Variants in SCN3A observed in about 807,000 individuals in gnomAD.
SCN3A encodes sodium voltage-gated channel alpha subunit 3.
A neutral mutation model predicts 187.6 loss-of-function variants in SCN3A; 60 were observed. That is an observed-to-expected ratio of 0.32 (90% CI 0.26 to 0.40). The LOEUF (loss-of-function observed/expected upper bound fraction) is 0.40. Ranked by LOEUF, SCN3A falls within the 10% of genes least tolerant of loss-of-function variation. The probability of loss-of-function intolerance (pLI) is 1.00; values close to 1 mark genes in which losing one functional copy is unlikely to be tolerated. For missense variants in SCN3A, 1,601 were observed against 2,428.2 expected (o/e 0.66, Z 7.16); for synonymous variants, 788 against 829.2 (o/e 0.95, Z 0.85).
At chr2:165,128,264 G>A (rs1687114539) in intron 17 of SCN3A, among the ~76,000 whole-genome samples, 163 bp from the exon 18 acceptor site, 1 of 151,990 alleles carries the variant, frequency 6.6e-6, no homozygotes, top group African/African-American at 2.4e-5. Flanking sequence ...ACTCTTTAAA[G>A]GACCTAATAT....
chr2:165,153,678 A>C (rs910692784), intron 11 of SCN3A, among the ~76,000 whole-genome samples: 1 of 152,146 alleles, frequency 6.6e-6, no homozygotes, highest in African/African-American at 2.4e-5. Flanking sequence ...CAGAAATGAG[A>C]TACTTATTAG....
intron 9 of SCN3A, among the ~76,000 whole-genome samples, chr2:165,161,137 C>CTTTTTTTTT (rs61608647): frequency 0.02 from 1,833 of 93,510 alleles, 1 homozygote; most frequent in Middle Eastern, 0.028. Context: ...TTCTTTCTTT[C>CTTTTTTTTT]TTTTTTTTTT....
Position 165,139,193 on chromosome 2 carries a change from CT to C in SCN3A, c.2152+282del, listed in dbSNP as rs568603752. 4.6e-5 allele frequency among the ~76,000 whole-genome samples: 7 copies of C among 152,248 alleles called. No individual in the cohort carries two copies. In the East Asian group the frequency reaches 1.4e-3, roughly 29 times the overall value. On this transcript the variant is annotated intron_variant, in intron 14 of 27. Transcript: ENST00000283254. Reference sequence around the variant, plus strand: ...ACTTAGAAAAGGGGAAGAGTTTACTCTATTTGCATATGAGTAACATAACATA... The same window carrying C: ...ACTTAGAAAAGGGGAAGAGTTTACTCATTTGCATATGAGTAACATAACATA...
intron 11 of SCN3A, among the ~76,000 whole-genome samples, chr2:165,147,764 T>C (rs977274979): frequency 6.6e-6 from 1 of 152,212 alleles, no homozygotes; most frequent in African/African-American, 2.4e-5. Flanking sequence ...TTTCTTTCTA[T>C]ATTGCAGCAC....
In SCN3A at chr2:165,091,221, C is replaced by G. The variant is rs1685086280; in HGVS notation, c.4932G>C (p.Leu1644=). The G allele has an allele frequency of 6.2e-7, 1 of 1,614,130 alleles. No homozygotes were observed. The highest frequency in any genetic ancestry group is 1.1e-5 in the South Asian group (1 of 91,080). ...LIKGAKGIRT[L]LFALMMSLPA... ...GAAGGGACATCATCAAAGCAAAGAG[C>G]AGCGTGCGGATCCCCTTTGCTCCTT... Residue 1644 remains leucine (L), a synonymous_variant, in exon 28 of 28, where the codon CTG becomes CTC. Coordinates refer to ENST00000283254, the MANE Select transcript of SCN3A (RefSeq NM_006922.4).
chr2:165,160,466 T>C (rs1689293378), intron 9 of SCN3A, among the ~76,000 whole-genome samples: 1 of 152,166 alleles, frequency 6.6e-6, no homozygotes, highest in African/African-American at 2.4e-5. Flanking sequence ...TAAGCCATAA[T>C]AGGAATTCAT....
intron 1 of SCN3A, among the ~76,000 whole-genome samples, chr2:165,201,227 A>T (rs1013348991): frequency 1.3e-5 from 2 of 151,942 alleles, no homozygotes; most frequent in Admixed American, 6.6e-5. Context: ...AGTTCTATAA[A>T]CTCTCCAGGA....
chr2:165,153,823 T>C (rs961247901), intron 11 of SCN3A, among the ~76,000 whole-genome samples: 4 of 151,992 alleles, frequency 2.6e-5, no homozygotes, highest in African/African-American at 9.7e-5. Context: ...GATTTTTTTT[T>C]CTGTCTTTTA....
chr2:165,126,538 CTTCT>C (rs1687003347), intron 18 of SCN3A, among the ~76,000 whole-genome samples: 1 of 127,484 alleles, frequency 7.8e-6, no homozygotes, highest in Admixed American at 8.2e-5. Flanking sequence ...TCTTTATTTC[CTTCT>C]TTCTTTCTCT....
intron 27 of SCN3A, chr2:165,091,936 A>T (rs949451105): frequency 7.4e-6 from 3 of 406,406 alleles, no homozygotes; most frequent in African/African-American, 6.1e-5. Context: ...ACTTTATTGC[A>T]TTACAATGAT....
intron 14 of SCN3A, among the ~76,000 whole-genome samples, chr2:165,138,524 G>A (rs980039093): frequency 1.3e-5 from 2 of 152,094 alleles, no homozygotes; most frequent in Non-Finnish European, 2.9e-5. Flanking sequence ...CCTTATGTGT[G>A]TGATAACATT....
At chr2:165,169,527 T>A (rs552430423) in intron 4 of SCN3A, among the ~76,000 whole-genome samples, 89 of 151,988 alleles carry the variant, frequency 5.9e-4, no homozygotes, top group African/African-American at 2.0e-3. Context: ...TCTCTTGGGA[T>A]CTAAGTCCAG....
chr2:165,090,958 T>A lies in SCN3A; in HGVS notation c.5195A>T (p.His1732Leu). The A allele has an allele frequency of 6.2e-7, 1 of 1,614,024 alleles. No individual in the cohort carries two copies. Among genetic ancestry groups the A allele is most frequent in the Non-Finnish European group, 8.5e-7 (1 of 1,179,998 alleles). Residue 1732 changes from histidine to leucine, a missense_variant, in exon 28 of 28, where the codon CAC becomes CTC. Coordinates refer to ENST00000283254, the MANE Select transcript of SCN3A (RefSeq NM_006922.4). This position sits in a 1 kb window ranked among gnomAD's most constrained non-coding sequence, Gnocchi z 4.0. ...GTCTCCCTTAACTGAGCTGCCAGGG[T>A]GAATTGTGTCAGGGTCACAGTCGGG... ...APPDCDPDTIHPGSSVKGDCG... is the reference protein window; with the variant it reads ...APPDCDPDTILPGSSVKGDCG...
rs116682517 is a variant in SCN3A at position 165,164,442 on chromosome 2, C to T, written c.552G>A (p.Thr184=). 19,317 of 1,613,714 alleles carry T rather than the reference C, an allele frequency of 0.012. 157 individuals carry two copies. The highest frequency in any genetic ancestry group is 0.014 in the Non-Finnish European group (16,118 of 1,179,798). The change falls in exon 6 of 28, where the codon ACG becomes ACA. Residue 184 remains threonine, a synonymous_variant. Coordinates refer to ENST00000283254, the MANE Select transcript of SCN3A (RefSeq NM_006922.4). ...GCCAGTTCCATGGATCACGAAGAAA[C>T]GTAAAATCTTCTAAGCAAAACCCTC... ...LARGFCLEDF[T]FLRDPWNWLD... is the part of the protein sequence containing the mutation.
chr2:165,107,417 T>C (rs1685913852), intron 21 of SCN3A, among the ~76,000 whole-genome samples: 1 of 152,210 alleles, frequency 6.6e-6, no homozygotes, highest in South Asian at 2.1e-4. Context: ...AATCACATAC[T>C]AGACTGTTTA....
chr2:165,097,284 C>T lies in SCN3A; in HGVS notation c.4207G>A (p.Val1403Ile), dbSNP rs937923772. 4 of 1,613,954 alleles carry T rather than the reference C, an allele frequency of 2.5e-6. No homozygotes were observed. The African/African-American group carries it at 5.3e-5, about 22-fold the overall frequency. Residue 1403 changes from valine to isoleucine, a missense_variant, in exon 23 of 28, where the codon GTT becomes ATT. Val to Ile is a conservative substitution (Grantham distance 29). Around this residue, in one of 11 missense-constraint regions of SCN3A, gnomAD observed 320 missense variants for 623.2 expected, o/e 0.51. Transcript: ENST00000283254. ...AGCAGTGCAAGATAGCCAGCGCCAACATTATCAAAGTTTACTTTCACGTTT... is the reference window on the plus strand; with the variant it reads ...AGCAGTGCAAGATAGCCAGCGCCAATATTATCAAAGTTTACTTTCACGTTT... ...WKNVKVNFDNVGAGYLALLQV... is the reference protein window; with the variant it reads ...WKNVKVNFDNIGAGYLALLQV...
chr2:165,166,190 G>C (rs895566720), intron 5 of SCN3A, among the ~76,000 whole-genome samples: 1 of 152,048 alleles, frequency 6.6e-6, no homozygotes, highest in Admixed American at 6.6e-5. Flanking sequence ...TTCTTGATTT[G>C]GGGAAATTAA....
At chr2:165,152,249 A>G (rs1688727030) in intron 11 of SCN3A, among the ~76,000 whole-genome samples, 1 of 152,180 alleles carries the variant, frequency 6.6e-6, no homozygotes, top group Admixed American at 6.5e-5. Flanking sequence ...TCAAATTAGC[A>G]GACAGGGAAC....
rs370971967 is a variant in SCN3A, at chr2:165,146,963, C to G, written c.1447G>C (p.Glu483Gln). 1.9e-6 allele frequency: 3 copies of G among 1,613,916 alleles called. No homozygotes were observed. Among genetic ancestry groups the G allele is most frequent in the African/African-American group, 2.7e-5 (2 of 74,922 alleles). Residue 483 changes from glutamate to glutamine, a missense_variant, in exon 12 of 28, where the codon GAA (glutamate) becomes CAA (glutamine). Glu to Gln is a conservative substitution (Grantham distance 29). Coordinates refer to ENST00000283254, the MANE Select transcript of SCN3A (RefSeq NM_006922.4). ...AACTTTGATGCTTCTGAAGAACTTT[C>G]CAACAGCTCTCCTAACCCACCTATT... The part of the protein sequence containing the change: ...SGIGGLGELL[E>Q]SSSEASKLSS...
Sources: allele counts gnomAD v4.1 joint callset (sites outside exome capture counted in the v4.1 genomes callset), GRCh38; gene constraint gnomAD v4.1.1; regional missense constraint gnomAD v4.1.1; non-coding constraint Gnocchi (gnomAD v3.1); transcripts MANE v1.5; gene names NCBI Gene and HGNC (gene_info 2026-07-23, HGNC 2026-07-21).